Variants in IGDCC3 observed in about 807,000 individuals in gnomAD.
IGDCC3 encodes the protein putative neuronal cell adhesion molecule.
In IGDCC3, 47 loss-of-function variants were observed where a neutral mutation model predicts 72.0. That is an observed-to-expected ratio of 0.65 (90% CI 0.52 to 0.83). The LOEUF (loss-of-function observed/expected upper bound fraction) is 0.83. Among genes scored for constraint, IGDCC3 ranks in the 40% least tolerant of loss-of-function variants. IGDCC3 has a pLI of 0.00. For missense variants in IGDCC3, 1,038 were observed against 1,091.3 expected, an observed-to-expected ratio of 0.95 and a Z score of 0.69; for synonymous variants, 477 against 472.8, an observed-to-expected ratio of 1.01 and a Z score of -0.11.
chr15:65,347,760 G>T (rs1277242602), intron 2 of IGDCC3, among the ~76,000 whole-genome samples: 1 of 152,012 alleles, frequency 6.6e-6, no homozygotes, highest in Non-Finnish European at 1.5e-5. Context: ...GCGAAACCCT[G>T]TCCTTACTAA....
rs2091055835 is a variant in IGDCC3, at chr15:65,339,045, A to G, written c.410-3089T>C. 6.6e-6 allele frequency among the ~76,000 whole-genome samples: 1 copy of G among 152,010 alleles called. No homozygotes were observed. Among genetic ancestry groups the G allele is most frequent in the East Asian group, 1.9e-4 (1 of 5,166 alleles). Reference sequence around the variant, plus strand: ...AGCCTCCTGAGGAGCTGGGACCACAAGCGCGCACCACCACGCCCAGCTAAT... The same window carrying G: ...AGCCTCCTGAGGAGCTGGGACCACAGGCGCGCACCACCACGCCCAGCTAAT... On this transcript the variant is annotated intron_variant, in intron 2 of 13. Coordinates refer to ENST00000327987, the MANE Select transcript of IGDCC3 (RefSeq NM_004884.4). The surrounding 1 kb of genome is among the most constrained non-coding windows in gnomAD (Gnocchi z 4.1).
chr15:65,353,245 C>T (rs2091186002), intron 2 of IGDCC3, among the ~76,000 whole-genome samples: 2 of 129,938 alleles, frequency 1.5e-5, no homozygotes, highest in East Asian at 2.7e-4. Context: ...CTCCCTCCTT[C>T]CTTCCTTCCT....
intron 2 of IGDCC3, among the ~76,000 whole-genome samples, chr15:65,350,425 C>G (rs569694036): frequency 6.6e-6 from 1 of 151,360 alleles, no homozygotes; most frequent in African/African-American, 2.4e-5. Context: ...GCTGGGATTA[C>G]AGGCATAAGC....
intron 2 of IGDCC3, among the ~76,000 whole-genome samples, chr15:65,351,813 TA>T (rs2140156365): frequency 6.6e-6 from 1 of 152,340 alleles, no homozygotes; most frequent in Non-Finnish European, 1.5e-5. Flanking sequence ...ATGTTATTAA[TA>T]ATTATAATTG....
rs780877133 is a variant in IGDCC3 at position 65,375,127 on chromosome 15, C to T, written c.379G>A (p.Val127Ile). The change falls in exon 2 of 14, where the codon GTC becomes ATC. Residue 127 changes from valine (V) to isoleucine (I), a missense_variant. Coordinates refer to ENST00000327987, the MANE Select transcript of IGDCC3 (RefSeq NM_004884.4). ...GCTTGGATGCGAGCCTTCCGGCTGA[C>T]CACCAGCCCAAAGCGGTTCTGGGCC... is the stretch of plus-strand genomic sequence containing the variant. ...CVAQNRFGLV[V>I]SRKARIQAAT... The T allele has an allele frequency of 1.9e-6, 3 of 1,613,800 alleles. No individual in the cohort carries two copies. Among genetic ancestry groups the T allele is most frequent in the South Asian group, 2.2e-5 (2 of 91,068 alleles).
intron 3 of IGDCC3, among the ~76,000 whole-genome samples, 173 bp downstream of exon 3, chr15:65,335,639 G>A (rs969708863): frequency 2.0e-5 from 3 of 152,040 alleles, no homozygotes; most frequent in Admixed American, 6.6e-5. Flanking sequence ...CTACAATCTG[G>A]GCCCAGCCAG....
chr15:65,370,513 AAAATAT>A (rs1374915137), intron 2 of IGDCC3, among the ~76,000 whole-genome samples: 1 of 61,598 alleles, frequency 1.6e-5, no homozygotes, highest in African/African-American at 4.7e-5. Flanking sequence ...TCTCAAAAAA[AAAATAT>A]ATATATATAT....
chr15:65,362,610 C>CT (rs1412910100), intron 2 of IGDCC3, among the ~76,000 whole-genome samples: 3 of 152,162 alleles, frequency 2.0e-5, no homozygotes, highest in African/African-American at 7.2e-5. Context: ...ATGCCTGGGC[C>CT]TTACTCATCC....
chr15:65,331,590 C>G lies in IGDCC3; in HGVS notation c.1218G>C (p.Ala406=). The G allele has an allele frequency of 6.2e-7, 1 of 1,613,618 alleles. No individual in the cohort carries two copies. Among genetic ancestry groups the G allele is most frequent in the Non-Finnish European group, 8.5e-7 (1 of 1,179,826 alleles). Residue 406 remains alanine (A), a synonymous_variant, in exon 8 of 14, where the codon GCG becomes GCC. Coordinates refer to ENST00000327987, the MANE Select transcript of IGDCC3 (RefSeq NM_004884.4). The stretch of plus-strand genomic sequence containing the variant: ...GCCTGGCACTGGCCTGTGATGAGCC[C>G]GCACTGTTCTCGGCCACACACTGAT... ...AIYQCVAENS[A]GSSQASARLT... is the part of the protein sequence containing the mutation.
At position 65,329,838 on chromosome 15, in the gene IGDCC3, T is replaced by C; in HGVS notation, c.1885A>G (p.Lys629Glu). 1.2e-6 allele frequency: 2 copies of C among 1,614,020 alleles called. No individual in the cohort carries two copies. The highest frequency in any genetic ancestry group is 2.2e-5 in the East Asian group (1 of 44,856). Residue 629 changes from lysine to glutamate, a missense_variant, in exon 12 of 14, where the codon AAG becomes GAG. Coordinates refer to ENST00000327987, the MANE Select transcript of IGDCC3 (RefSeq NM_004884.4). This position sits in a 1 kb window ranked among gnomAD's most constrained non-coding sequence, Gnocchi z 4.1. ...GACGTCTGGTTGGCGGCCTCCTCCT[T>C]CCGGCAGTCACATGGTGGGCTCAAG... ...TALSPPCDCR[K>E]EEAANQTSTT...
intron 2 of IGDCC3, among the ~76,000 whole-genome samples, chr15:65,370,620 G>GTGTATATATATATATA (rs1491326161): frequency 2.1e-5 from 2 of 94,592 alleles, no homozygotes; most frequent in African/African-American, 7.0e-5. Context: ...ATATGTATGT[G>GTGTATATATATATATA]TATATATATA....
At chr15:65,363,360 G>A (rs2091272655) in intron 2 of IGDCC3, among the ~76,000 whole-genome samples, 1 of 152,218 alleles carries the variant, frequency 6.6e-6, no homozygotes, top group Non-Finnish European at 1.5e-5. Flanking sequence ...CTCACCAGAA[G>A]TCAGGCTGGG....
At position 65,329,154 on chromosome 15, in the gene IGDCC3, G is replaced by T. The variant is rs1309949100; in HGVS notation, c.2206-6C>A. 10 of 1,600,708 alleles carry T rather than the reference G, an allele frequency of 6.2e-6. No homozygotes were observed. The highest frequency in any genetic ancestry group is 7.7e-6 in the Non-Finnish European group (9 of 1,174,690). On this transcript the variant is annotated splice_polypyrimidine_tract_variant and splice_region_variant and intron_variant, in intron 13 of 13. Transcript: ENST00000327987. The surrounding 1 kb of genome is among the most constrained non-coding windows in gnomAD (Gnocchi z 4.1). ...GCGGGGGCTGCAGGATCCTGCTGGG[G>T]AAAGAGCCCGTCACACAGGCGTCAG... is the stretch of plus-strand genomic sequence containing the variant.
intron 3 of IGDCC3, 119 bp from the exon 4 acceptor site, chr15:65,335,540 C>T: frequency 9.4e-7 from 1 of 1,064,504 alleles, no homozygotes; most frequent in East Asian, 2.4e-5. Context: ...CCAACATCAG[C>T]AGACACACAC....
In IGDCC3 at chr15:65,329,785, G is replaced by A. The variant is rs1391000169; in HGVS notation, c.1938C>T (p.His646=). The A allele has an allele frequency of 6.2e-7, 1 of 1,614,162 alleles. No homozygotes were observed. The highest frequency in any genetic ancestry group is 8.5e-7 in the Non-Finnish European group (1 of 1,180,030). ...TSTTGIVIGI[H]IGVTCIIFCV... ...AGAAGATGATGCAAGTGACCCCGATGTGGATGCCGATGACGATGCCTGTGG... is the reference window on the plus strand; with the variant it reads ...AGAAGATGATGCAAGTGACCCCGATATGGATGCCGATGACGATGCCTGTGG... The change falls in exon 12 of 14, where the codon CAC becomes CAT. Residue 646 remains histidine (H), a synonymous_variant. Coordinates refer to ENST00000327987, the MANE Select transcript of IGDCC3 (RefSeq NM_004884.4). The surrounding 1 kb of genome is among the most constrained non-coding windows in gnomAD (Gnocchi z 4.1).
intron 2 of IGDCC3, among the ~76,000 whole-genome samples, chr15:65,365,329 AC>A (rs1268899434): frequency 2.0e-5 from 3 of 151,894 alleles, no homozygotes; most frequent in Non-Finnish European, 4.4e-5. Flanking sequence ...CCACCCCAGG[AC>A]CCTGTGGCCT....
intron 2 of IGDCC3, among the ~76,000 whole-genome samples, chr15:65,351,365 T>C (rs897815371): frequency 2.6e-5 from 4 of 152,096 alleles, no homozygotes; most frequent in African/African-American, 9.7e-5. Context: ...AAACTCCATC[T>C]CTACTAAAAA....
chr15:65,362,450 G>A (rs148705059), intron 2 of IGDCC3, among the ~76,000 whole-genome samples: 62 of 152,152 alleles, frequency 4.1e-4, no homozygotes, highest in African/African-American at 1.5e-3. Context: ...GGTGGGGCCA[G>A]AGGAGGTATC....
chr15:65,364,123 G>A (rs2091276294), intron 2 of IGDCC3, among the ~76,000 whole-genome samples: 2 of 152,162 alleles, frequency 1.3e-5, no homozygotes, highest in South Asian at 4.2e-4. Flanking sequence ...CATGCCTCCA[G>A]GTATCTGCTT....
Sources: allele counts gnomAD v4.1 joint callset (sites outside exome capture counted in the v4.1 genomes callset), GRCh38; gene constraint gnomAD v4.1.1; non-coding constraint Gnocchi (gnomAD v3.1); transcripts MANE v1.5; gene names NCBI Gene and HGNC (gene_info 2026-07-23, HGNC 2026-07-21).